TAFA1: variants seen among roughly 807,000 people sequenced by gnomAD.
TAFA1 encodes chemokine-like protein TAFA-1.
Under a neutral mutation model 18.5 loss-of-function variants are expected in TAFA1, and 4 were observed. The ratio of observed to expected loss-of-function variants is 0.22; its 90% CI spans 0.11 to 0.49. The LOEUF is 0.49. Among genes scored for constraint, TAFA1 ranks in the 20% least tolerant of loss-of-function variants. The probability of loss-of-function intolerance (pLI) is 0.98; values close to 1 mark genes in which losing one functional copy is unlikely to be tolerated. For missense variants in TAFA1, 147 were observed against 169.0 expected (o/e 0.87, Z 0.72); for synonymous variants, 56 against 55.2 (o/e 1.01, Z -0.06).
At chr3:68,161,068 C>G (rs2065919691) in intron 2 of TAFA1, among the ~76,000 whole-genome samples, 2 of 152,164 alleles carry the variant, frequency 1.3e-5, no homozygotes, top group South Asian at 4.1e-4. Context: ...CTCTTCATAA[C>G]TATATTTACT....
intron 2 of TAFA1, among the ~76,000 whole-genome samples, chr3:68,146,117 A>G (rs1388060228): frequency 1.3e-5 from 2 of 152,198 alleles, no homozygotes; most frequent in Non-Finnish European, 2.9e-5. Flanking sequence ...GAACTTTGGA[A>G]GAGCTTGAGA....
intron 2 of TAFA1, among the ~76,000 whole-genome samples, chr3:68,042,872 G>A (rs1030341432): frequency 7.9e-5 from 12 of 151,952 alleles, no homozygotes; most frequent in African/African-American, 2.9e-4. Flanking sequence ...TTTAAATTGT[G>A]CCATTCTTTT....
chr3:68,025,823 C>G (rs1704802627), intron 2 of TAFA1, among the ~76,000 whole-genome samples: 1 of 152,150 alleles, frequency 6.6e-6, no homozygotes, highest in South Asian at 2.1e-4. Flanking sequence ...TTTAATTTCA[C>G]CCTCATCTCA....
At chr3:68,124,403 A>G (rs2065439984) in intron 2 of TAFA1, among the ~76,000 whole-genome samples, 1 of 152,218 alleles carries the variant, frequency 6.6e-6, no homozygotes, top group South Asian at 2.1e-4. Flanking sequence ...TATGTGGCCC[A>G]TAAGGATGCT....
chr3:68,394,979 A>C (rs192826596), intron 2 of TAFA1, among the ~76,000 whole-genome samples: 1 of 152,160 alleles, frequency 6.6e-6, no homozygotes, highest in Non-Finnish European at 1.5e-5. Context: ...AGCTCTGCCC[A>C]TCAGAAGAAA....
chr3:68,006,618 C>G lies in TAFA1; in HGVS notation c.-3-6C>G, dbSNP rs764710647. On this transcript the variant is annotated splice_polypyrimidine_tract_variant and splice_region_variant and intron_variant, in intron 1 of 4. Coordinates refer to ENST00000478136, the MANE Select transcript of TAFA1 (RefSeq NM_213609.4). ...GGTAACCTTTCCTGTCGAATGTTCT[C>G]TTTAGAGAATGGCAATGGTCTCTGC... is the stretch of plus-strand genomic sequence containing the variant. 2 of 1,604,680 alleles carry G rather than the reference C, an allele frequency of 1.2e-6. No homozygotes were observed. Among genetic ancestry groups the G allele is most frequent in the Admixed American group, 3.3e-5 (2 of 60,018 alleles).
At chr3:68,539,027 C>T in intron 4 of TAFA1, 147 bp downstream of exon 4, 1 of 780,522 alleles carries the variant, frequency 1.3e-6, no homozygotes, top group Non-Finnish European at 2.0e-6. Flanking sequence ...AGATCAGTGT[C>T]CATCCGTGAA....
intron 3 of TAFA1, among the ~76,000 whole-genome samples, chr3:68,505,536 T>G (rs2072732818): frequency 6.6e-6 from 1 of 152,186 alleles, no homozygotes; most frequent in Non-Finnish European, 1.5e-5. Context: ...CTCCTCTCAA[T>G]GTCTTACCAG....
At chr3:68,100,037 C>T (rs999321973) in intron 2 of TAFA1, among the ~76,000 whole-genome samples, 2 of 152,028 alleles carry the variant, frequency 1.3e-5, no homozygotes, top group Admixed American at 6.6e-5. Context: ...TGAAAATCTC[C>T]CTATTGAGTA....
Position 68,472,745 on chromosome 3 carries a change from G to T in TAFA1, c.259+55325G>T, listed in dbSNP as rs560023436. ...AATTATCTCAATTAAAAAATAAAAT[G>T]CCTATAAATCAGTTAGCTCAATGTG... On this transcript the variant is annotated intron_variant, in intron 3 of 4. Transcript: ENST00000478136. Among the ~76,000 whole-genome samples the T allele has an allele frequency of 2.3e-4, 35 of 152,110 alleles. No homozygotes were observed. In the South Asian group the frequency reaches 6.9e-3, roughly 30 times the overall value.
intron 3 of TAFA1, among the ~76,000 whole-genome samples, chr3:68,532,757 C>A (rs371832522): frequency 6.6e-6 from 1 of 151,874 alleles, no homozygotes; most frequent in Admixed American, 6.6e-5. Context: ...TTTCAGGTAG[C>A]TTTCAGTTTG....
chr3:68,173,221 A>G (rs2066080624), intron 2 of TAFA1, among the ~76,000 whole-genome samples: 2 of 152,128 alleles, frequency 1.3e-5, no homozygotes, highest in South Asian at 4.1e-4. Context: ...AGATACTGTT[A>G]TTAACCTTAG....
intron 3 of TAFA1, among the ~76,000 whole-genome samples, chr3:68,457,500 C>T (rs2071686959): frequency 6.6e-6 from 1 of 152,148 alleles, no homozygotes; most frequent in African/African-American, 2.4e-5. Flanking sequence ...TAAAAACCTA[C>T]ACAAGTGGAC....
chr3:68,215,916 C>A (rs1575685196), intron 2 of TAFA1, among the ~76,000 whole-genome samples: 1 of 152,036 alleles, frequency 6.6e-6, no homozygotes, highest in East Asian at 1.9e-4. Flanking sequence ...CCAAGATGTC[C>A]TTCAATCAGT....
rs1420141256 is a variant in TAFA1, at chr3:68,319,243, A to T, written c.119-98037A>T. ...AAAGCTAAAATTTGAATTACTTCAA[A>T]CAAAATAGAGAACAGTCACAACCAA... On this transcript the variant is annotated intron_variant, in intron 2 of 4. Coordinates refer to ENST00000478136, the MANE Select transcript of TAFA1 (RefSeq NM_213609.4). 2.0e-5 allele frequency among the ~76,000 whole-genome samples: 3 copies of T among 152,358 alleles called. No homozygotes were observed. In the East Asian group the frequency reaches 5.8e-4, roughly 29 times the overall value.
intron 2 of TAFA1, among the ~76,000 whole-genome samples, chr3:68,285,525 T>A (rs1484285848): frequency 6.6e-6 from 1 of 152,050 alleles, no homozygotes; most frequent in African/African-American, 2.4e-5. Flanking sequence ...ATATATATAG[T>A]GCTAGAATAG....
intron 2 of TAFA1, among the ~76,000 whole-genome samples, chr3:68,410,741 G>A (rs1361133942): frequency 2.6e-5 from 3 of 114,314 alleles, no homozygotes; most frequent in African/African-American, 1.0e-4. Context: ...AAAGGAAGCT[G>A]CATTTTCTAA....
rs187794957 is a variant in TAFA1, at chr3:68,538,616, G to T, written c.260-140G>T. 6 of 698,386 alleles carry T rather than the reference G, an allele frequency of 8.6e-6. No individual in the cohort carries two copies. In the African/African-American group the frequency reaches 1.1e-4, roughly 12 times the overall value. 43.3% of individuals were successfully genotyped at this position (698,386 alleles called of 1,614,324 possible). A position where few individuals can be genotyped will look rare whatever the true frequency, so the allele number is the denominator to read the frequency against. ...AAATTAAAATCTTATTTTTTTAATAGAGCTTTCTTAGCTAGTCATGGAGGA... is the reference window on the plus strand; with the variant it reads ...AAATTAAAATCTTATTTTTTTAATATAGCTTTCTTAGCTAGTCATGGAGGA... On this transcript the variant is annotated intron_variant, in intron 3 of 4. Coordinates refer to ENST00000478136, the MANE Select transcript of TAFA1 (RefSeq NM_213609.4).
At chr3:68,082,949 G>A (rs911118639) in intron 2 of TAFA1, among the ~76,000 whole-genome samples, 1 of 152,172 alleles carries the variant, frequency 6.6e-6, no homozygotes, top group East Asian at 1.9e-4. Context: ...ATACAAGGAG[G>A]AAGTATTCTA....
Sources: gnomAD v4.1 joint callset for allele counts (sites outside exome capture counted in the v4.1 genomes callset) on GRCh38, gnomAD v4.1.1 for gene constraint, MANE v1.5 for transcripts, NCBI Gene and HGNC (gene_info 2026-07-23, HGNC 2026-07-21) for gene names.